The following HS6ST3 variants were observed in gnomAD, a reference collection of about 807,000 sequenced individuals.
HS6ST3 encodes heparan sulfate 6-O-sulfotransferase 3.
HS6ST3 carries 12 observed loss-of-function variants against 36.7 expected under a neutral mutation model. That is an observed-to-expected ratio of 0.33 (90% CI 0.21 to 0.53). HS6ST3 has a LOEUF of 0.53. HS6ST3 is among the 20% of genes least tolerant of loss of function. The probability of loss-of-function intolerance (pLI) is 0.95; values close to 1 mark genes in which losing one functional copy is unlikely to be tolerated. For missense variants in HS6ST3, 584 were observed against 640.9 expected (o/e 0.91, Z 0.96); for synonymous variants, 240 against 257.5 (o/e 0.93, Z 0.65).
chr13:96,657,094 G>A (rs971111437), intron 1 of HS6ST3, among the ~76,000 whole-genome samples: 8 of 151,694 alleles, frequency 5.3e-5, no homozygotes, highest in Non-Finnish European at 1.0e-4. Context: ...AAATGGCAAA[G>A]CAGGAAATAA....
intron 1 of HS6ST3, among the ~76,000 whole-genome samples, chr13:96,215,268 G>A (rs1384139879): frequency 6.6e-6 from 1 of 152,216 alleles, no homozygotes; most frequent in African/African-American, 2.4e-5. Flanking sequence ...TGTGTCATGT[G>A]CCTGTGTATG....
At chr13:96,319,880 G>A (rs1594752270) in intron 1 of HS6ST3, among the ~76,000 whole-genome samples, 1 of 152,170 alleles carries the variant, frequency 6.6e-6, no homozygotes, top group Non-Finnish European at 1.5e-5. Flanking sequence ...CAATACTAGA[G>A]CTCTCTGAAT....
chr13:96,348,140 G>T (rs1276851158), intron 1 of HS6ST3, among the ~76,000 whole-genome samples: 1 of 152,180 alleles, frequency 6.6e-6, no homozygotes, highest in Admixed American at 6.5e-5. Flanking sequence ...TAGCAAAGCT[G>T]CATGGAAAGA....
At chr13:96,557,901 C>T (rs1157543447) in intron 1 of HS6ST3, among the ~76,000 whole-genome samples, 2 of 152,118 alleles carry the variant, frequency 1.3e-5, no homozygotes, top group Non-Finnish European at 1.5e-5. Flanking sequence ...AGATAGTTAA[C>T]CTCTCTGTCC....
chr13:96,589,416 T>G (rs911367607), intron 1 of HS6ST3, among the ~76,000 whole-genome samples: 2 of 152,102 alleles, frequency 1.3e-5, no homozygotes, highest in African/African-American at 4.8e-5. Context: ...TTTATTTGGG[T>G]TTTCTTTCTG....
chr13:96,222,915 A>C (rs1238201542), intron 1 of HS6ST3, among the ~76,000 whole-genome samples: 3 of 152,156 alleles, frequency 2.0e-5, no homozygotes, highest in African/African-American at 7.2e-5. Flanking sequence ...TATATGTTTC[A>C]GTGGGGTTTG....
intron 1 of HS6ST3, among the ~76,000 whole-genome samples, chr13:96,753,653 G>T (rs961963068): frequency 6.6e-6 from 1 of 151,936 alleles, no homozygotes; most frequent in Non-Finnish European, 1.5e-5. Flanking sequence ...ATGACTCTTT[G>T]GTTGTTTTTT....
At chr13:96,819,744 T>G (rs1878493240) in intron 1 of HS6ST3, among the ~76,000 whole-genome samples, 1 of 152,156 alleles carries the variant, frequency 6.6e-6, no homozygotes, top group Non-Finnish European at 1.5e-5. Flanking sequence ...ACTTTTTACT[T>G]GTTGACCTTA....
At chr13:96,744,018 A>G (rs1876503890) in intron 1 of HS6ST3, among the ~76,000 whole-genome samples, 1 of 151,794 alleles carries the variant, frequency 6.6e-6, no homozygotes, top group East Asian at 1.9e-4. Context: ...TATGCATGTG[A>G]TTTTTTTATT....
At chr13:96,256,930 C>A (rs904123083) in intron 1 of HS6ST3, among the ~76,000 whole-genome samples, 1 of 152,076 alleles carries the variant, frequency 6.6e-6, no homozygotes, top group Non-Finnish European at 1.5e-5. Flanking sequence ...CCTAGGCAAC[C>A]AGGGGATATA....
rs1878936127 is a variant in HS6ST3, at chr13:96,836,764, G to A, written c.*3566G>A. 6.6e-6 allele frequency: 1 copy of A among 152,174 alleles called. No homozygotes were observed. Among genetic ancestry groups the A allele is most frequent in the African/African-American group, 2.4e-5 (1 of 41,438 alleles). 9.4% of individuals were successfully genotyped at this position (152,174 alleles called of 1,614,324 possible). A position where few individuals can be genotyped will look rare whatever the true frequency, so the allele number is the denominator to read the frequency against. On this transcript the variant is annotated 3_prime_UTR_variant, in exon 2 of 2. Transcript: ENST00000376705. ...GATTGGATAGAATTCCCATTCAGCT[G>A]TTTTAACACAGAAATTCAAAATAGT...
At chr13:96,786,274 C>T (rs1350027093) in intron 1 of HS6ST3, among the ~76,000 whole-genome samples, 2 of 152,032 alleles carry the variant, frequency 1.3e-5, no homozygotes, top group African/African-American at 4.8e-5. Flanking sequence ...ACTAAAGCAG[C>T]ACCTACCCCA....
intron 1 of HS6ST3, among the ~76,000 whole-genome samples, chr13:96,413,168 A>C (rs2043671661): frequency 2.0e-5 from 3 of 152,290 alleles, no homozygotes; most frequent in Admixed American, 2.0e-4. Flanking sequence ...TGTCATTATC[A>C]CATGACATAG....
intron 1 of HS6ST3, among the ~76,000 whole-genome samples, chr13:96,606,661 G>A (rs1340223824): frequency 6.6e-6 from 1 of 150,952 alleles, no homozygotes; most frequent in Admixed American, 6.6e-5. Context: ...CCTATTGGGT[G>A]CTGTGCTCAA....
At chr13:96,200,637 T>A (rs1034608583) in intron 1 of HS6ST3, among the ~76,000 whole-genome samples, 1 of 152,188 alleles carries the variant, frequency 6.6e-6, no homozygotes, top group African/African-American at 2.4e-5. Flanking sequence ...TTTTTTCCCA[T>A]TTGTTATATC....
At chr13:96,111,000 T>C (rs1338881436) in intron 1 of HS6ST3, among the ~76,000 whole-genome samples, 2 of 152,162 alleles carry the variant, frequency 1.3e-5, no homozygotes, top group Non-Finnish European at 2.9e-5. Context: ...TTGCTACACA[T>C]TGACTAGTAT....
chr13:96,507,934 A>G (rs2056033224), intron 1 of HS6ST3, among the ~76,000 whole-genome samples: 1 of 152,164 alleles, frequency 6.6e-6, no homozygotes. Flanking sequence ...TGGGTACTTT[A>G]CCAAAAATAT....
At chr13:96,774,431 T>G (rs1291592004) in intron 1 of HS6ST3, among the ~76,000 whole-genome samples, 1 of 151,948 alleles carries the variant, frequency 6.6e-6, no homozygotes, top group Non-Finnish European at 1.5e-5. Context: ...TTAAGAACCT[T>G]GAAAAAAGGT....
In HS6ST3 at chr13:96,566,294, A is replaced by T. The variant is rs749875927; in HGVS notation, c.708-266196A>T. On this transcript the variant is annotated intron_variant, in intron 1 of 1. Coordinates refer to ENST00000376705, the MANE Select transcript of HS6ST3 (RefSeq NM_153456.4). ...AAGATAATGATCAAATAAACTAATA[A>T]TTTTTTTAGAACTGAAGGAATGCAC... Among the ~76,000 whole-genome samples the T allele has an allele frequency of 1.3e-5, 2 of 152,082 alleles. 1 individual carries two copies. The highest frequency in any genetic ancestry group is 4.1e-4 in the South Asian group (2 of 4,832).
Sources: allele counts gnomAD v4.1 joint callset (sites outside exome capture counted in the v4.1 genomes callset), GRCh38; gene constraint gnomAD v4.1.1; transcripts MANE v1.5; gene names NCBI Gene and HGNC (gene_info 2026-07-23, HGNC 2026-07-21).